GALNTL6: variants seen among roughly 807,000 people sequenced by gnomAD.
GALNTL6 encodes polypeptide N-acetylgalactosaminyltransferase-like 6.
Under a neutral mutation model 73.7 loss-of-function variants are expected in GALNTL6, and 46 were observed. The ratio of observed to expected loss-of-function variants is 0.62; its 90% CI spans 0.49 to 0.80. The LOEUF (loss-of-function observed/expected upper bound fraction) is 0.80, where lower values mean the gene tolerates loss of function less well. GALNTL6 is among the 30% of genes least tolerant of loss of function. GALNTL6 has a pLI of 0.00. For missense variants in GALNTL6, 604 were observed against 755.0 expected, an observed-to-expected ratio of 0.80 and a Z score of 2.34; for synonymous variants, 259 against 263.7, an observed-to-expected ratio of 0.98 and a Z score of 0.17.
intron 5 of GALNTL6, among the ~76,000 whole-genome samples, chr4:172,717,271 A>G (rs1735163073): frequency 6.6e-6 from 1 of 152,234 alleles, no homozygotes; most frequent in Non-Finnish European, 1.5e-5. Flanking sequence ...AAAGGGCATC[A>G]GGCTAGAAAG....
At chr4:172,363,700 A>ATT (rs1261185065) in intron 5 of GALNTL6, among the ~76,000 whole-genome samples, 2 of 152,208 alleles carry the variant, frequency 1.3e-5, no homozygotes, top group South Asian at 4.1e-4. Flanking sequence ...TCAGAAAATT[A>ATT]TTATAGGTTG....
chr4:172,605,142 A>G (rs1738205978), intron 5 of GALNTL6, among the ~76,000 whole-genome samples: 1 of 152,226 alleles, frequency 6.6e-6, no homozygotes, highest in Non-Finnish European at 1.5e-5. Flanking sequence ...AGCCACTGAC[A>G]GTAACCTCAA....
At chr4:172,359,943 T>TATG (rs1561044860) in intron 5 of GALNTL6, among the ~76,000 whole-genome samples, 21 of 152,036 alleles carry the variant, frequency 1.4e-4, no homozygotes, top group Non-Finnish European at 2.9e-4. Context: ...CTGACAGGAG[T>TATG]CCCTGAACAT....
intron 4 of GALNTL6, among the ~76,000 whole-genome samples, chr4:172,330,073 G>T (rs1474281339): frequency 6.6e-6 from 1 of 152,226 alleles, no homozygotes; most frequent in Non-Finnish European, 1.5e-5. Flanking sequence ...CCTTCAAGGT[G>T]CAGTGGAAAC....
At chr4:172,417,856 GC>G (rs1730899539) in intron 5 of GALNTL6, among the ~76,000 whole-genome samples, 1 of 152,080 alleles carries the variant, frequency 6.6e-6, no homozygotes. Flanking sequence ...CCACACCTAT[GC>G]ATTTGATCCA....
At chr4:171,943,504 G>C (rs1295957975) in intron 2 of GALNTL6, among the ~76,000 whole-genome samples, 1 of 152,110 alleles carries the variant, frequency 6.6e-6, no homozygotes, top group East Asian at 1.9e-4. Context: ...AACACTCTCT[G>C]ATAAGTAGCC....
At chr4:171,891,710 C>T (rs1374307118) in intron 2 of GALNTL6, among the ~76,000 whole-genome samples, 5 of 152,096 alleles carry the variant, frequency 3.3e-5, no homozygotes, top group African/African-American at 9.7e-5. Flanking sequence ...AGAGAATTTC[C>T]CTGACAGTGC....
intron 5 of GALNTL6, among the ~76,000 whole-genome samples, chr4:172,600,470 G>C (rs1738015502): frequency 6.6e-6 from 1 of 152,074 alleles, no homozygotes; most frequent in Admixed American, 6.6e-5. Flanking sequence ...GGAAGATTAT[G>C]GTGACTGGTA....
At chr4:172,319,723 A>G (rs981792237) in intron 4 of GALNTL6, among the ~76,000 whole-genome samples, 1 of 152,198 alleles carries the variant, frequency 6.6e-6, no homozygotes, top group Non-Finnish European at 1.5e-5. Flanking sequence ...AGATGAGTTT[A>G]TAAATAAGTC....
chr4:171,995,316 T>A (rs1740454452), intron 2 of GALNTL6, among the ~76,000 whole-genome samples: 1 of 152,050 alleles, frequency 6.6e-6, no homozygotes, highest in African/African-American at 2.4e-5. Flanking sequence ...TTTAAATATT[T>A]ATTTGTTTCC....
chr4:172,225,085 A>G (rs947390412), intron 2 of GALNTL6, among the ~76,000 whole-genome samples: 8 of 152,092 alleles, frequency 5.3e-5, no homozygotes, highest in Admixed American at 3.9e-4. Flanking sequence ...ATATGCCTCA[A>G]GAAGGTACAA....
intron 5 of GALNTL6, among the ~76,000 whole-genome samples, chr4:172,538,803 T>A (rs1202998405): frequency 6.6e-6 from 1 of 152,094 alleles, no homozygotes; most frequent in African/African-American, 2.4e-5. Flanking sequence ...AGACTATAAT[T>A]TATATAAATG....
At chr4:172,773,166 G>A (rs374731028) in intron 5 of GALNTL6, among the ~76,000 whole-genome samples, 4 of 152,150 alleles carry the variant, frequency 2.6e-5, no homozygotes, top group East Asian at 1.9e-4. Context: ...GGAGGAGATC[G>A]TTTCACGTAT....
chr4:172,446,407 G>C (rs960525551), intron 5 of GALNTL6, among the ~76,000 whole-genome samples: 1 of 152,094 alleles, frequency 6.6e-6, no homozygotes, highest in African/African-American at 2.4e-5. Context: ...AAACTGACTA[G>C]AAAGTCACAG....
intron 5 of GALNTL6, among the ~76,000 whole-genome samples, chr4:172,736,667 A>C (rs1736485045): frequency 6.6e-6 from 1 of 152,250 alleles, no homozygotes; most frequent in Non-Finnish European, 1.5e-5. Context: ...ATGTCCATGA[A>C]ATCTTCACAA....
chr4:172,283,637 G>A (rs551232514), intron 3 of GALNTL6, among the ~76,000 whole-genome samples: 1 of 152,086 alleles, frequency 6.6e-6, no homozygotes, highest in East Asian at 1.9e-4. Context: ...AAAGTATTTG[G>A]TCAGGATAAT....
chr4:172,209,261 T>A (rs924211443), intron 2 of GALNTL6, among the ~76,000 whole-genome samples: 1 of 152,102 alleles, frequency 6.6e-6, no homozygotes, highest in Non-Finnish European at 1.5e-5. Context: ...TATTTTAGCA[T>A]TCTGGAAATT....
chr4:172,057,062 G>GC (rs1731037484), intron 2 of GALNTL6, among the ~76,000 whole-genome samples: 1 of 151,926 alleles, frequency 6.6e-6, no homozygotes, highest in South Asian at 2.1e-4. Context: ...AATTTATTTT[G>GC]CAAGAACGCA....
intron 10 of GALNTL6, among the ~76,000 whole-genome samples, chr4:172,987,144 T>C (rs559796769): frequency 6.6e-6 from 1 of 152,312 alleles, no homozygotes; most frequent in South Asian, 2.1e-4. Flanking sequence ...AGTTCATGTA[T>C]TAGTCCATTC....
Sources: gnomAD v4.1 joint callset for allele counts (sites outside exome capture counted in the v4.1 genomes callset) on GRCh38, gnomAD v4.1.1 for gene constraint, MANE v1.5 for transcripts, NCBI Gene and HGNC (gene_info 2026-07-23, HGNC 2026-07-21) for gene names.